Variants in STON2 observed in about 807,000 individuals in gnomAD.
The protein encoded by STON2 is stonin-2.
In STON2, 29 loss-of-function variants were observed where a neutral mutation model predicts 65.7. The ratio of observed to expected loss-of-function variants is 0.44; its 90% CI spans 0.33 to 0.60. The LOEUF (loss-of-function observed/expected upper bound fraction) is 0.60. Ranked by LOEUF, STON2 falls within the 20% of genes least tolerant of loss-of-function variation. The pLI, the probability that STON2 is intolerant of heterozygous loss-of-function variation, is 0.03. For missense variants in STON2, 1,054 were observed against 1,118.1 expected (o/e 0.94, Z 0.82); for synonymous variants, 404 against 414.2 (o/e 0.98, Z 0.30).
At chr14:81,405,634 A>G (rs1900822030) in intron 2 of STON2, among the ~76,000 whole-genome samples, 1 of 151,276 alleles carries the variant, frequency 6.6e-6, no homozygotes, top group African/African-American at 2.4e-5. Flanking sequence ...CAGTCTGACC[A>G]AGTGCTGCTC....
At chr14:81,303,057 G>GT (rs1896029225) in intron 5 of STON2, among the ~76,000 whole-genome samples, 1 of 51,902 alleles carries the variant, frequency 1.9e-5, no homozygotes, top group Non-Finnish European at 6.2e-5. Flanking sequence ...ACATGTGTGG[G>GT]GGGTGTGTGT....
chr14:81,292,775 A>T (rs1895608718), intron 5 of STON2, among the ~76,000 whole-genome samples: 1 of 152,216 alleles, frequency 6.6e-6, no homozygotes, highest in South Asian at 2.1e-4. Context: ...GTGTCTTCTG[A>T]GTTGAATATT....
chr14:81,271,517 C>A (rs1336408716), intron 6 of STON2, among the ~76,000 whole-genome samples: 6 of 152,154 alleles, frequency 3.9e-5, no homozygotes, highest in Admixed American at 1.3e-4. Context: ...TTATACTCTC[C>A]AGGCCTCAAT....
intron 5 of STON2, among the ~76,000 whole-genome samples, chr14:81,290,187 A>C (rs1229839833): frequency 6.6e-6 from 1 of 152,198 alleles, no homozygotes; most frequent in Non-Finnish European, 1.5e-5. Flanking sequence ...TGGTAGTCTC[A>C]CTAGTCTCAC....
chr14:81,421,748 G>A (rs1055660437), intron 2 of STON2, among the ~76,000 whole-genome samples: 5 of 152,208 alleles, frequency 3.3e-5, no homozygotes, highest in African/African-American at 1.2e-4. Context: ...TAAAAGGGAG[G>A]TGATGAGCTT....
intron 4 of STON2, among the ~76,000 whole-genome samples, chr14:81,328,841 G>A (rs1299212204): frequency 6.6e-6 from 1 of 152,158 alleles, no homozygotes; most frequent in East Asian, 1.9e-4. Flanking sequence ...CTCTCACCAT[G>A]TGACTTCTGT....
chr14:81,374,836 AATTCCCT>A (rs1899177676), intron 3 of STON2, among the ~76,000 whole-genome samples: 1 of 151,974 alleles, frequency 6.6e-6, no homozygotes, highest in Non-Finnish European at 1.5e-5. Flanking sequence ...ACTGGTTGAA[AATTCCCT>A]AGAATTTATG....
intron 6 of STON2, among the ~76,000 whole-genome samples, chr14:81,272,886 T>A (rs1230507524): frequency 6.6e-6 from 1 of 152,186 alleles, no homozygotes; most frequent in East Asian, 1.9e-4. Flanking sequence ...AAAAATTAGG[T>A]TTCTCTGAGA....
intron 4 of STON2, among the ~76,000 whole-genome samples, chr14:81,351,639 T>C (rs530698590): frequency 1.3e-5 from 2 of 152,348 alleles, no homozygotes; most frequent in Admixed American, 6.5e-5. Flanking sequence ...TTTTGAAGCA[T>C]AATGGGGCAA....
intron 5 of STON2, among the ~76,000 whole-genome samples, chr14:81,280,291 A>G (rs1428746000): frequency 6.6e-6 from 1 of 152,310 alleles, no homozygotes; most frequent in East Asian, 1.9e-4. Flanking sequence ...AGGGAGGGGA[A>G]ATGAGGCTTT....
chr14:81,414,866 TGTGA>T (rs1029866854), intron 2 of STON2, among the ~76,000 whole-genome samples: 56 of 152,290 alleles, frequency 3.7e-4, no homozygotes, highest in African/African-American at 1.2e-3. Context: ...CATTTAAGAA[TGTGA>T]GTGAGAATGC....
At chr14:81,392,850 T>C (rs1239307795) in intron 3 of STON2, among the ~76,000 whole-genome samples, 3 of 152,236 alleles carry the variant, frequency 2.0e-5, no homozygotes, top group African/African-American at 4.8e-5. Flanking sequence ...AGGATATTAT[T>C]GGGTGAAATA....
chr14:81,261,766 C>T lies in STON2; in HGVS notation c.*6648G>A. ...CCTAACATCTATTTTGGAGACCTGT[C>T]TGTGCCTCTTCATGCTCACACCATT... is the stretch of plus-strand genomic sequence containing the variant. On this transcript the variant is annotated 3_prime_UTR_variant, in exon 8 of 8. Coordinates refer to ENST00000614646, the MANE Select transcript of STON2 (RefSeq NM_001394390.1). 6.6e-7 allele frequency: 1 copy of T among 1,509,500 alleles called. No homozygotes were observed. The highest frequency in any genetic ancestry group is 8.8e-7 in the Non-Finnish European group (1 of 1,137,118). 93.5% of individuals were successfully genotyped at this position (1,509,500 alleles called of 1,614,324 possible).
intron 5 of STON2, among the ~76,000 whole-genome samples, chr14:81,320,288 A>G (rs1280722425): frequency 6.7e-6 from 1 of 150,120 alleles, no homozygotes; most frequent in Admixed American, 6.7e-5. Context: ...ACACACCTTC[A>G]CTTCTATGAA....
intron 2 of STON2, among the ~76,000 whole-genome samples, chr14:81,423,473 C>T (rs376331408): frequency 9.0e-4 from 137 of 152,254 alleles, no homozygotes; most frequent in African/African-American, 2.9e-3. Context: ...AAGTTGCTTT[C>T]GGGCCTTTCA....
chr14:81,263,164 C>A lies in STON2; in HGVS notation c.*5250G>T, dbSNP rs1035929223. 17 of 985,200 alleles carry A rather than the reference C, an allele frequency of 1.7e-5. No individual in the cohort carries two copies. Among genetic ancestry groups the A allele is most frequent in the African/African-American group, 3.5e-5 (2 of 57,214 alleles). 61.0% of individuals were successfully genotyped at this position (985,200 alleles called of 1,614,324 possible). ...CTGTTAAATTGCATTCTGGACATGA[C>A]CTAAGGCTAGCTTGTCCAACCCTTG... On this transcript the variant is annotated 3_prime_UTR_variant, in exon 8 of 8. Transcript: ENST00000614646.
intron 3 of STON2, among the ~76,000 whole-genome samples, chr14:81,378,492 A>G (rs1566934683): frequency 6.6e-6 from 1 of 152,238 alleles, no homozygotes; most frequent in Non-Finnish European, 1.5e-5. Flanking sequence ...CTGGGATTAC[A>G]AGCATGAGCC....
At chr14:81,320,130 C>T (rs1247349933) in intron 5 of STON2, among the ~76,000 whole-genome samples, 1 of 151,998 alleles carries the variant, frequency 6.6e-6, no homozygotes, top group Non-Finnish European at 1.5e-5. Flanking sequence ...TCACTGTCAC[C>T]TGGGGTGATG....
chr14:81,376,347 T>C (rs1899250449), intron 3 of STON2, among the ~76,000 whole-genome samples: 1 of 152,034 alleles, frequency 6.6e-6, no homozygotes, highest in Non-Finnish European at 1.5e-5. Flanking sequence ...ATAATAAATG[T>C]CTTTATACCA....
Sources: allele counts gnomAD v4.1 joint callset (sites outside exome capture counted in the v4.1 genomes callset), GRCh38; gene constraint gnomAD v4.1.1; transcripts MANE v1.5; gene names NCBI Gene and HGNC (gene_info 2026-07-23, HGNC 2026-07-21).